CALB1: variants seen among roughly 807,000 people sequenced by gnomAD.
The protein encoded by CALB1 is calbindin.
CALB1 carries 16 observed loss-of-function variants against 46.7 expected under a neutral mutation model. That is an observed-to-expected ratio of 0.34 (90% CI 0.23 to 0.52). The LOEUF (loss-of-function observed/expected upper bound fraction) is 0.52. Among genes scored for constraint, CALB1 ranks in the 20% least tolerant of loss-of-function variants. The probability of loss-of-function intolerance (pLI) is 0.95; values close to 1 mark genes in which losing one functional copy is unlikely to be tolerated. For missense variants in CALB1, 224 were observed against 300.3 expected, an observed-to-expected ratio of 0.75 and a Z score of 1.88; for synonymous variants, 90 against 112.8, an observed-to-expected ratio of 0.80 and a Z score of 1.28.
At chr8:90,064,990 T>C (rs1050060926) in intron 6 of CALB1, among the ~76,000 whole-genome samples, 1 of 151,860 alleles carries the variant, frequency 6.6e-6, no homozygotes, top group Non-Finnish European at 1.5e-5. Flanking sequence ...TTAAAAAGTC[T>C]AACTCCTTCT....
chr8:90,065,405 A>C (rs1814374415), intron 6 of CALB1, among the ~76,000 whole-genome samples: 1 of 151,776 alleles, frequency 6.6e-6, no homozygotes, highest in Admixed American at 6.6e-5. Flanking sequence ...AACAAAAATC[A>C]AAAGAAAGAA....
chr8:90,064,603 T>C (rs1814357169), intron 6 of CALB1: 1 of 151,784 alleles, frequency 6.6e-6, no homozygotes, highest in African/African-American at 2.4e-5. Flanking sequence ...TTTCTTTAAA[T>C]AGGCATCCCT....
rs372729705 is a variant in CALB1, at chr8:90,082,686, G to A, written c.12C>T (p.Ser4=). Residue 4 remains serine, a synonymous_variant, in exon 1 of 11, where the codon TCC becomes TCT. Coordinates refer to ENST00000265431, the MANE Select transcript of CALB1 (RefSeq NM_004929.4). ...CTGTGATGAGGGATGACTGCAGGTG[G>A]GATTCTGCCATTGTACAGCGGGGTG... MAE[S]HLQSSLITAS... 6.2e-7 allele frequency: 1 copy of A among 1,614,048 alleles called. No individual in the cohort carries two copies. Among genetic ancestry groups the A allele is most frequent in the East Asian group, 2.2e-5 (1 of 44,864 alleles).
chr8:90,079,158 T>A (rs1477204516), intron 2 of CALB1, among the ~76,000 whole-genome samples: 1 of 151,962 alleles, frequency 6.6e-6, no homozygotes, highest in Non-Finnish European at 1.5e-5. Context: ...CAGCCCTTAC[T>A]AATGTTCTAT....
chr8:90,072,532 A>G (rs1360386803), intron 3 of CALB1, among the ~76,000 whole-genome samples: 1 of 152,228 alleles, frequency 6.6e-6, no homozygotes, highest in East Asian at 1.9e-4. Context: ...ATGTGTATAT[A>G]GGATGTGGCT....
intron 3 of CALB1, among the ~76,000 whole-genome samples, chr8:90,076,446 C>A (rs899862137): frequency 5.3e-5 from 8 of 151,912 alleles, no homozygotes; most frequent in Non-Finnish European, 1.0e-4. Context: ...TAAAATAGAT[C>A]TTCATTTTAT....
intron 3 of CALB1, among the ~76,000 whole-genome samples, chr8:90,070,389 G>A (rs770750963): frequency 4.2e-4 from 64 of 152,250 alleles, no homozygotes; most frequent in Non-Finnish European, 6.6e-4. Flanking sequence ...TAAAGTCAGA[G>A]TCAGTTCTAA....
chr8:90,081,493 G>C (rs1814731465), intron 2 of CALB1: 1 of 982,248 alleles, frequency 1.0e-6, no homozygotes, highest in South Asian at 4.7e-5. Context: ...GATAGAGTAA[G>C]AGATCCATAA....
At chr8:90,065,194 C>T (rs1031795501) in intron 6 of CALB1, among the ~76,000 whole-genome samples, 1 of 151,590 alleles carries the variant, frequency 6.6e-6, no homozygotes, top group African/African-American at 2.4e-5. Flanking sequence ...ACTTCATAGA[C>T]ATTGGTTTAT....
intron 7 of CALB1, 25 bp from the exon 8 acceptor site, chr8:90,063,345 A>G (rs748625877): frequency 6.3e-7 from 1 of 1,576,902 alleles, no homozygotes; most frequent in Non-Finnish European, 8.7e-7. Context: ...ACATTATATT[A>G]ATATATTACA....
chr8:90,080,207 A>T (rs1405734067), intron 2 of CALB1, among the ~76,000 whole-genome samples: 2 of 151,968 alleles, frequency 1.3e-5, no homozygotes, highest in Non-Finnish European at 2.9e-5. Context: ...ATAGTCTAAT[A>T]ATTGGAGCTT....
Position 90,074,880 on chromosome 8 carries a change from A to G in CALB1, c.231+3493T>C, listed in dbSNP as rs559252613. On this transcript the variant is annotated intron_variant, in intron 3 of 10. Transcript: ENST00000265431. ...TGACACCCATTTAAGAGAAATACCT[A>G]TATTTCATGTGAACACCAGAGAAGA... Among the ~76,000 whole-genome samples, 21 of 152,356 alleles carry G rather than the reference A, an allele frequency of 1.4e-4. No homozygotes were observed. In the East Asian group the frequency reaches 2.1e-3, roughly 15 times the overall value.
In CALB1 at chr8:90,082,673, A is replaced by G. The variant is rs1814754198; in HGVS notation, c.25T>C (p.Ser9Pro). Residue 9 changes from serine to proline, a missense_variant, in exon 1 of 11, where the codon TCC (serine) becomes CCC (proline). Physicochemically the swap from Ser to Pro is moderately conservative, Grantham distance 74. Transcript: ENST00000265431. ...AAAAACTGTGAGGCTGTGATGAGGG[A>G]TGACTGCAGGTGGGATTCTGCCATT... MAESHLQS[S>P]LITASQFFEI... 2 of 1,614,138 alleles carry G rather than the reference A, an allele frequency of 1.2e-6. No individual in the cohort carries two copies. Among genetic ancestry groups the G allele is most frequent in the Non-Finnish European group, 1.7e-6 (2 of 1,180,004 alleles).
chr8:90,068,390 ATTT>A (rs1209855589), intron 5 of CALB1, among the ~76,000 whole-genome samples: 2 of 152,112 alleles, frequency 1.3e-5, no homozygotes, highest in Non-Finnish European at 2.9e-5. Flanking sequence ...ATTTTAGAAG[ATTT>A]TTTATTTTTT....
Position 90,077,049 on chromosome 8 carries a change from G to A in CALB1, c.231+1324C>T, listed in dbSNP as rs151014207. 2.5e-3 allele frequency among the ~76,000 whole-genome samples: 375 copies of A among 152,042 alleles called. 1 individual carries two copies. Among genetic ancestry groups the A allele is most frequent in the Non-Finnish European group, 4.6e-3 (315 of 67,856 alleles). Reference sequence around the variant, plus strand: ...TGTCAAACTCTAAAAGAGCCAATCCGTAATTTCACTGATGTCATATTTCCA... The same window carrying A: ...TGTCAAACTCTAAAAGAGCCAATCCATAATTTCACTGATGTCATATTTCCA... On this transcript the variant is annotated intron_variant, in intron 3 of 10. Coordinates refer to ENST00000265431, the MANE Select transcript of CALB1 (RefSeq NM_004929.4).
chr8:90,063,054 G>A (rs752187141), intron 9 of CALB1, 46 bp downstream of exon 9: 3 of 1,372,550 alleles, frequency 2.2e-6, no homozygotes, highest in South Asian at 2.4e-5. Context: ...CTTATGTTGT[G>A]TTCTTACTTC....
At chr8:90,063,543 T>C in intron 6 of CALB1, 82 bp from the exon 7 acceptor site, 2 of 1,198,910 alleles carry the variant, frequency 1.7e-6, no homozygotes, top group Non-Finnish European at 1.2e-6. Context: ...ATAAAGCTGT[T>C]TGAGTTATCA....
intron 3 of CALB1, among the ~76,000 whole-genome samples, chr8:90,072,121 G>A (rs1586182080): frequency 6.8e-6 from 1 of 147,206 alleles, no homozygotes; most frequent in South Asian, 2.1e-4. Context: ...GAACAAAAAA[G>A]AATAATTTTT....
intron 5 of CALB1, 81 bp from the exon 6 acceptor site, chr8:90,066,056 C>T: frequency 4.4e-6 from 4 of 909,986 alleles, no homozygotes; most frequent in Non-Finnish European, 7.1e-6. Context: ...TGGAACAGGA[C>T]ATACCAGGAA....
Sources: allele counts gnomAD v4.1 joint callset (sites outside exome capture counted in the v4.1 genomes callset), GRCh38; gene constraint gnomAD v4.1.1; transcripts MANE v1.5; gene names NCBI Gene and HGNC (gene_info 2026-07-23, HGNC 2026-07-21).